ADAMTS16: variants seen among roughly 807,000 people sequenced by gnomAD.
ADAMTS16 encodes the protein A disintegrin and metalloproteinase with thrombospondin motifs 16.
Under a neutral mutation model 145.8 loss-of-function variants are expected in ADAMTS16, and 94 were observed. The ratio of observed to expected loss-of-function variants is 0.64; its 90% confidence interval spans 0.55 to 0.77. ADAMTS16 has a LOEUF of 0.77. ADAMTS16 is among the 30% of genes least tolerant of loss of function. The pLI, the probability that ADAMTS16 is intolerant of heterozygous loss-of-function variation, is 0.00. For synonymous variants in ADAMTS16, 659 were observed against 604.3 expected (o/e 1.09, Z -1.33); for missense variants, 1,585 against 1,591.5 (o/e 1.00, Z 0.07).
At chr5:5,286,325 A>G (rs1356608866) in intron 18 of ADAMTS16, among the ~76,000 whole-genome samples, 2 of 152,182 alleles carry the variant, frequency 1.3e-5, no homozygotes, top group East Asian at 3.8e-4. Context: ...TAATACAGCT[A>G]ATTTCATTAT....
In ADAMTS16 at chr5:5,235,054, A is replaced by G; in HGVS notation, c.1891A>G (p.Thr631Ala). 2 of 1,597,016 alleles carry G rather than the reference A, an allele frequency of 1.3e-6. No individual in the cohort carries two copies. Among genetic ancestry groups the G allele is most frequent in the East Asian group, 2.3e-5 (1 of 44,340 alleles). The change falls in exon 13 of 23, where the codon ACT (threonine) becomes GCT (alanine). Residue 631 changes from threonine to alanine, a missense_variant. Thr to Ala is a moderately conservative substitution (Grantham distance 58). Coordinates refer to ENST00000274181, the MANE Select transcript of ADAMTS16 (RefSeq NM_139056.4). Reference protein sequence around the residue: ...GGKFCEGSTRTLKLCNSQKCP... With the variant: ...GGKFCEGSTRALKLCNSQKCP... ...GAAGTTCTGTGAGGGCTCCACTCGCACTCTGAAGCTCTGCAACAGTCAGAA... is the reference window on the plus strand; with the variant it reads ...GAAGTTCTGTGAGGGCTCCACTCGCGCTCTGAAGCTCTGCAACAGTCAGAA...
intron 13 of ADAMTS16, among the ~76,000 whole-genome samples, chr5:5,235,859 G>A (rs1280160960): frequency 6.6e-6 from 1 of 152,196 alleles, no homozygotes. Flanking sequence ...ATGTACATAA[G>A]TGGGACGTCC....
chr5:5,258,159 T>C (rs1667211175), intron 17 of ADAMTS16, among the ~76,000 whole-genome samples: 1 of 152,182 alleles, frequency 6.6e-6, no homozygotes, highest in African/African-American at 2.4e-5. Context: ...GAATGATTGA[T>C]TGAATCATCC....
intron 8 of ADAMTS16, among the ~76,000 whole-genome samples, chr5:5,193,966 G>A (rs1458021519): frequency 6.6e-6 from 1 of 152,056 alleles, no homozygotes; most frequent in Non-Finnish European, 1.5e-5. Context: ...GCCAGGCATG[G>A]TGGTGTGCGT....
At chr5:5,274,052 T>C (rs1400271795) in intron 18 of ADAMTS16, among the ~76,000 whole-genome samples, 1 of 152,200 alleles carries the variant, frequency 6.6e-6, no homozygotes, top group Non-Finnish European at 1.5e-5. Flanking sequence ...GACCTTTTTT[T>C]CCAGCAGTTT....
At chr5:5,215,936 G>A (rs1365604606) in intron 10 of ADAMTS16, among the ~76,000 whole-genome samples, 1 of 128,862 alleles carries the variant, frequency 7.8e-6, no homozygotes, top group African/African-American at 3.1e-5. Flanking sequence ...TTGTCCACTT[G>A]TTGATTGATG....
chr5:5,262,506 G>A, intron 17 of ADAMTS16, 151 bp from the exon 18 acceptor site: 8 of 972,538 alleles, frequency 8.2e-6, no homozygotes, highest in Non-Finnish European at 1.2e-5. Flanking sequence ...TCAGAAAAGT[G>A]GAGTATTAAT....
At chr5:5,243,552 G>T (rs1393843582) in intron 17 of ADAMTS16, among the ~76,000 whole-genome samples, 1 of 152,164 alleles carries the variant, frequency 6.6e-6, no homozygotes, top group Non-Finnish European at 1.5e-5. Flanking sequence ...TATGTTGAAT[G>T]CACTTGATTT....
intron 10 of ADAMTS16, among the ~76,000 whole-genome samples, chr5:5,218,941 G>A (rs544381898): frequency 7.9e-5 from 12 of 152,230 alleles, no homozygotes; most frequent in Non-Finnish European, 1.6e-4. Context: ...TCTTGACCAC[G>A]TTCAGCCACT....
chr5:5,286,824 C>T (rs1269857871), intron 18 of ADAMTS16, among the ~76,000 whole-genome samples: 1 of 135,510 alleles, frequency 7.4e-6, no homozygotes, highest in African/African-American at 2.8e-5. Flanking sequence ...TGCCACTGCA[C>T]TCCAGCCTGG....
chr5:5,234,655 G>C (rs1168041568), intron 12 of ADAMTS16, among the ~76,000 whole-genome samples: 3 of 152,070 alleles, frequency 2.0e-5, no homozygotes, highest in Admixed American at 2.0e-4. Flanking sequence ...ACGGACAACA[G>C]GGTCAAGAGA....
At chr5:5,202,719 A>T (rs570912374) in intron 9 of ADAMTS16, among the ~76,000 whole-genome samples, 68 of 152,292 alleles carry the variant, frequency 4.5e-4, no homozygotes, top group African/African-American at 1.5e-3. Flanking sequence ...CTTAATCGTT[A>T]TGAGGAAGAT....
intron 10 of ADAMTS16, among the ~76,000 whole-genome samples, chr5:5,210,718 T>A (rs1209852332): frequency 6.6e-6 from 1 of 152,230 alleles, no homozygotes; most frequent in Non-Finnish European, 1.5e-5. Flanking sequence ...ATACAGATAC[T>A]CTTTATCAAA....
At chr5:5,226,028 C>T (rs1002128556) in intron 11 of ADAMTS16, among the ~76,000 whole-genome samples, 8 of 152,084 alleles carry the variant, frequency 5.3e-5, no homozygotes, top group African/African-American at 1.9e-4. Context: ...AGGGAGTCCA[C>T]CCATGGAGAC....
At chr5:5,265,109 G>A (rs1738186837) in intron 18 of ADAMTS16, among the ~76,000 whole-genome samples, 1 of 152,214 alleles carries the variant, frequency 6.6e-6, no homozygotes, top group Admixed American at 6.5e-5. Flanking sequence ...CCCATGGCTG[G>A]CTGAGGCAGA....
At chr5:5,262,326 T>G (rs1271893290) in intron 17 of ADAMTS16, among the ~76,000 whole-genome samples, 1 of 152,218 alleles carries the variant, frequency 6.6e-6, no homozygotes, top group Non-Finnish European at 1.5e-5. Context: ...CCACTGGTGT[T>G]TTCAACTATG....
chr5:5,187,316 A>G (rs1163054049), intron 5 of ADAMTS16, among the ~76,000 whole-genome samples: 1 of 151,836 alleles, frequency 6.6e-6, no homozygotes, highest in Admixed American at 6.6e-5. Context: ...TCATCATCTC[A>G]TTACCATGAT....
At chr5:5,206,773 C>T (rs993152701) in intron 9 of ADAMTS16, among the ~76,000 whole-genome samples, 9 of 152,100 alleles carry the variant, frequency 5.9e-5, no homozygotes, top group Non-Finnish European at 1.0e-4. Context: ...TGAGCCACCG[C>T]GCCCGGCAGA....
chr5:5,240,032 A>G, intron 16 of ADAMTS16, 107 bp downstream of exon 16: 1 of 1,493,290 alleles, frequency 6.7e-7, no homozygotes, highest in Non-Finnish European at 9.0e-7. Context: ...AAACAGTTAT[A>G]AAAAGAGTGA....
Sources: gnomAD v4.1 joint callset for allele counts (sites outside exome capture counted in the v4.1 genomes callset) on GRCh38, gnomAD v4.1.1 for gene constraint, MANE v1.5 for transcripts, NCBI Gene and HGNC (gene_info 2026-07-23, HGNC 2026-07-21) for gene names.